Variants in PIEZO2 observed in about 807,000 individuals in gnomAD.
The protein encoded by PIEZO2 is piezo-type mechanosensitive ion channel component 2.
In PIEZO2, 172 loss-of-function variants were observed where a neutral mutation model predicts 337.3. The ratio of observed to expected loss-of-function variants is 0.51; its 90% CI spans 0.45 to 0.58. The LOEUF (loss-of-function observed/expected upper bound fraction) is 0.58, where lower values mean the gene tolerates loss of function less well. Among genes scored for constraint, PIEZO2 ranks in the 20% least tolerant of loss-of-function variants. The pLI is 0.00. For synonymous variants in PIEZO2, 1,251 were observed against 1,228.5 expected, an observed-to-expected ratio of 1.02 and a Z score of -0.38; for missense variants, 3,028 against 3,391.3, an observed-to-expected ratio of 0.89 and a Z score of 2.66.
At chr18:11,147,298 CCTGGCCACA>C (rs2040834352) in intron 1 of PIEZO2, among the ~76,000 whole-genome samples, 1 of 152,132 alleles carries the variant, frequency 6.6e-6, no homozygotes, top group Non-Finnish European at 1.5e-5. Context: ...CGGGACCCCG[CCTGGCCACA>C]CCTTCCCTCC....
chr18:10,675,899 G>A (rs775158322), intron 53 of PIEZO2, among the ~76,000 whole-genome samples: 9 of 152,226 alleles, frequency 5.9e-5, no homozygotes, highest in Non-Finnish European at 1.2e-4. Flanking sequence ...CTTGCCCACC[G>A]CCATGTAAGA....
chr18:10,987,841 T>C (rs1022201296), intron 2 of PIEZO2, among the ~76,000 whole-genome samples: 3 of 151,948 alleles, frequency 2.0e-5, no homozygotes, highest in African/African-American at 7.2e-5. Flanking sequence ...AACTGAATAA[T>C]GAAAAAACAA....
rs1343406132 is a variant in PIEZO2, at chr18:10,795,753, T to C, written c.1528-751A>G. Among the ~76,000 whole-genome samples, 1 of 152,188 alleles carries C rather than the reference T, an allele frequency of 6.6e-6. No homozygotes were observed. The highest frequency in any genetic ancestry group is 1.5e-5 in the Non-Finnish European group (1 of 68,034). On this transcript the variant is annotated intron_variant, in intron 12 of 55. Coordinates refer to ENST00000674853, the MANE Select transcript of PIEZO2 (RefSeq NM_001378183.1). The surrounding 1 kb of genome is among the most constrained non-coding windows in gnomAD (Gnocchi z 4.4). ...CTGGGGAAACCGTGCCTAGGTTCTG[T>C]GTCCCTTGAGTTAAAGAATATTTTT...
rs1411706381 is a variant in PIEZO2, at chr18:10,680,954, C to G, written c.7780-583G>C. On this transcript the variant is annotated intron_variant, in intron 51 of 55. Coordinates refer to ENST00000674853, the MANE Select transcript of PIEZO2 (RefSeq NM_001378183.1). Reference sequence around the variant, plus strand: ...TAGACAAGAGAATAACATCAGCCACCCTTCTGCTACCAGAACATAATTGTT... The same window carrying G: ...TAGACAAGAGAATAACATCAGCCACGCTTCTGCTACCAGAACATAATTGTT... Among the ~76,000 whole-genome samples the G allele has an allele frequency of 3.3e-5, 5 of 152,212 alleles. No individual in the cohort carries two copies. The East Asian group carries it at 7.7e-4, about 23-fold the overall frequency.
chr18:10,912,456 T>C (rs1045654985), intron 3 of PIEZO2, among the ~76,000 whole-genome samples: 1 of 152,178 alleles, frequency 6.6e-6, no homozygotes, highest in African/African-American at 2.4e-5. Context: ...TGCTTGATAA[T>C]CACAGCAGGT....
chr18:10,920,220 C>A (rs1476505826), intron 3 of PIEZO2, among the ~76,000 whole-genome samples: 1 of 152,100 alleles, frequency 6.6e-6, no homozygotes, highest in Non-Finnish European at 1.5e-5. Context: ...TATTATCTTT[C>A]TACATCTAGT....
chr18:10,985,589 CT>C (rs2034840414), intron 2 of PIEZO2, among the ~76,000 whole-genome samples: 1 of 152,018 alleles, frequency 6.6e-6, no homozygotes, highest in African/African-American at 2.4e-5. Flanking sequence ...ATTACTATAG[CT>C]TCGTAATACA....
At position 10,747,000 on chromosome 18, in the gene PIEZO2, G is replaced by A. The variant is rs1352717471; in HGVS notation, c.4424+1471C>T. Among the ~76,000 whole-genome samples the A allele has an allele frequency of 6.6e-6, 1 of 152,210 alleles. No homozygotes were observed. Among genetic ancestry groups the A allele is most frequent in the Non-Finnish European group, 1.5e-5 (1 of 68,040 alleles). Reference sequence around the variant, plus strand: ...CTGTGAGCTCTGTGAGGGCAGAGGTGAACATCACCTCTTTGTAACAGAGTT... The same window carrying A: ...CTGTGAGCTCTGTGAGGGCAGAGGTAAACATCACCTCTTTGTAACAGAGTT... On this transcript the variant is annotated intron_variant, in intron 30 of 55. Coordinates refer to ENST00000674853, the MANE Select transcript of PIEZO2 (RefSeq NM_001378183.1). The surrounding 1 kb of genome is among the most constrained non-coding windows in gnomAD (Gnocchi z 4.2).
chr18:10,714,497 C>G (rs2035936851), intron 39 of PIEZO2, among the ~76,000 whole-genome samples: 2 of 152,146 alleles, frequency 1.3e-5, no homozygotes, highest in African/African-American at 4.8e-5. Context: ...TCTTCCTTGC[C>G]TCCAGCCTGG....
At chr18:11,046,106 C>A (rs1199187780) in intron 2 of PIEZO2, among the ~76,000 whole-genome samples, 2 of 152,190 alleles carry the variant, frequency 1.3e-5, no homozygotes, top group African/African-American at 4.8e-5. Context: ...AATCAACTGG[C>A]TGGTCCCCCA....
chr18:10,822,547 T>C (rs375960191), intron 7 of PIEZO2, among the ~76,000 whole-genome samples: 1 of 152,204 alleles, frequency 6.6e-6, no homozygotes, highest in African/African-American at 2.4e-5. Context: ...CAGGCTCCTT[T>C]CTGCTAAGTC....
chr18:10,919,325 A>G (rs1329629819), intron 3 of PIEZO2, among the ~76,000 whole-genome samples: 1 of 152,156 alleles, frequency 6.6e-6, no homozygotes, highest in African/African-American at 2.4e-5. Flanking sequence ...CCCCGAATAG[A>G]ACTGATGAAT....
At chr18:10,809,256 CTCTCTT>C (rs2040100047) in intron 7 of PIEZO2, among the ~76,000 whole-genome samples, 1 of 105,576 alleles carries the variant, frequency 9.5e-6, no homozygotes, top group Admixed American at 1.0e-4. Flanking sequence ...CTCTCTCTCT[CTCTCTT>C]TTTTTTTTTT....
At chr18:10,731,858 T>C (rs1200617926) in intron 35 of PIEZO2, among the ~76,000 whole-genome samples, 1 of 152,214 alleles carries the variant, frequency 6.6e-6, no homozygotes, top group African/African-American at 2.4e-5. Flanking sequence ...GCTGGAAGTC[T>C]CATTCAGTAT....
At position 10,704,495 on chromosome 18, in the gene PIEZO2, T is replaced by C. The variant is rs2035482650; in HGVS notation, c.6157A>G (p.Met2053Val). The change falls in exon 42 of 56, where the codon ATG (methionine) becomes GTG (valine). Residue 2053 changes from methionine (M) to valine (V), a missense_variant. Met to Val is a conservative substitution (Grantham distance 21). Around this residue, in one of 5 missense-constraint regions of PIEZO2, gnomAD observed 1,925 missense variants for 2,051.9 expected, o/e 0.94. Coordinates refer to ENST00000674853, the MANE Select transcript of PIEZO2 (RefSeq NM_001378183.1). ...AGGATGGGAAGCAGGAGCGTGATCA[T>C]GGAGGCAGAGACCATGTGGTTGAGG... Reference protein sequence around the residue: ...IILNHMVSASMITLLLPILIF... With the variant: ...IILNHMVSASVITLLLPILIF... The C allele has an allele frequency of 6.5e-7, 1 of 1,537,180 alleles. No individual in the cohort carries two copies. The highest frequency in any genetic ancestry group is 8.7e-7 in the Non-Finnish European group (1 of 1,146,888).
At chr18:11,084,579 A>G (rs1224120941) in intron 1 of PIEZO2, among the ~76,000 whole-genome samples, 1 of 152,070 alleles carries the variant, frequency 6.6e-6, no homozygotes, top group Non-Finnish European at 1.5e-5. Context: ...GCTTGAATCC[A>G]TGGAGTTGGC....
chr18:11,135,861 T>G (rs370870677), intron 1 of PIEZO2, among the ~76,000 whole-genome samples: 1 of 152,230 alleles, frequency 6.6e-6, no homozygotes, highest in African/African-American at 2.4e-5. Context: ...CTTGGGAGAT[T>G]AGCACTGCAT....
At position 10,770,156 on chromosome 18, in the gene PIEZO2, C is replaced by G. The variant is rs1169323245; in HGVS notation, c.2938G>C (p.Val980Leu). The G allele has an allele frequency of 6.5e-7, 1 of 1,537,070 alleles. No homozygotes were observed. The change falls in exon 21 of 56, where the codon GTG becomes CTG. Residue 980 changes from valine (V) to leucine (L), a missense_variant. Physicochemically the swap from Val to Leu is conservative, Grantham distance 32. Transcript: ENST00000674853. ...GACAAATGTTCACTTGCCTCTTTCA[C>G]AGAAACCCAGATAATGTAAGAGGAA... ...IVSSYIIWVS[V>L]KEVSLFNYVF...
intron 36 of PIEZO2, among the ~76,000 whole-genome samples, chr18:10,728,974 A>C (rs942552150): frequency 9.3e-5 from 13 of 140,508 alleles, no homozygotes; most frequent in South Asian, 4.6e-4. Flanking sequence ...AAAAAAAAAA[A>C]CAAAAACCAA....
Sources: gnomAD v4.1 joint callset for allele counts (sites outside exome capture counted in the v4.1 genomes callset) on GRCh38, gnomAD v4.1.1 for gene constraint, gnomAD v4.1.1 regional missense constraint, Gnocchi (gnomAD v3.1) non-coding constraint, MANE v1.5 for transcripts, NCBI Gene and HGNC (gene_info 2026-07-23, HGNC 2026-07-21) for gene names.